The following PEPD variants were observed in gnomAD, a reference collection of about 807,000 sequenced individuals.
The protein encoded by PEPD is peptidase D.
Under a neutral mutation model 60.7 loss-of-function variants are expected in PEPD, and 53 were observed. The ratio of observed to expected loss-of-function variants is 0.87; its 90% CI spans 0.70 to 1.10. PEPD has a LOEUF of 1.10. PEPD is among the 50% of genes least tolerant of loss of function. The pLI is 0.00. For missense variants in PEPD, 711 were observed against 711.9 expected (o/e 1.00, Z 0.01); for synonymous variants, 267 against 284.1 (o/e 0.94, Z 0.60).
chr19:33,498,675 CA>C (rs1970653529), intron 4 of PEPD, among the ~76,000 whole-genome samples: 1 of 151,176 alleles, frequency 6.6e-6, no homozygotes, highest in Admixed American at 6.6e-5. Flanking sequence ...CCCATTCCAC[CA>C]GGATCCTTGA....
chr19:33,466,159 T>C (rs1282242440), intron 7 of PEPD, among the ~76,000 whole-genome samples: 1 of 152,128 alleles, frequency 6.6e-6, no homozygotes, highest in Non-Finnish European at 1.5e-5. Context: ...GCAGATAAAA[T>C]CAATAGGAAG....
intron 2 of PEPD, among the ~76,000 whole-genome samples, chr19:33,512,057 A>G (rs531858515): frequency 4.1e-4 from 62 of 152,230 alleles, no homozygotes; most frequent in East Asian, 7.8e-4. Context: ...AGGATGCTGC[A>G]TGGACACATT....
Position 33,501,044 on chromosome 19 carries a change from A to G in PEPD, c.330-43T>C, listed in dbSNP as rs993401121. On this transcript the variant is annotated intron_variant, in intron 3 of 14. Coordinates refer to ENST00000244137, the MANE Select transcript of PEPD (RefSeq NM_000285.4). The stretch of plus-strand genomic sequence containing the variant: ...GGAATATCAGGGTCAGGGCTTGGTA[A>G]TGGCTCAGCATGGCCACCTTCCTGC... The G allele has an allele frequency of 1.5e-5, 17 of 1,118,680 alleles. No homozygotes were observed. In the African/African-American group the frequency reaches 2.4e-4, roughly 16 times the overall value. 69.3% of individuals were successfully genotyped at this position (1,118,680 alleles called of 1,614,324 possible).
At chr19:33,432,927 G>A (rs369585126) in intron 9 of PEPD, among the ~76,000 whole-genome samples, 1 of 152,226 alleles carries the variant, frequency 6.6e-6, no homozygotes, top group Non-Finnish European at 1.5e-5. Context: ...GAGGCACCTC[G>A]GCCTCCTCGG....
intron 9 of PEPD, among the ~76,000 whole-genome samples, chr19:33,427,586 G>A (rs1346987129): frequency 6.6e-6 from 1 of 152,116 alleles, no homozygotes; most frequent in Non-Finnish European, 1.5e-5. Flanking sequence ...TCAACTTTGG[G>A]GTAGCTTAAA....
chr19:33,501,993 C>G (rs1316668550), intron 3 of PEPD, among the ~76,000 whole-genome samples: 1 of 152,176 alleles, frequency 6.6e-6, no homozygotes, highest in Non-Finnish European at 1.5e-5. Flanking sequence ...GTTGGGCAGC[C>G]CTCGTCCACC....
chr19:33,490,702 C>T (rs1970482275), intron 5 of PEPD, among the ~76,000 whole-genome samples: 1 of 152,110 alleles, frequency 6.6e-6, no homozygotes, highest in African/African-American at 2.4e-5. Context: ...CTTGCTCTGT[C>T]ACCCAGGCTG....
chr19:33,395,387 G>A, intron 12 of PEPD, among the ~76,000 whole-genome samples: 1 of 152,250 alleles, frequency 6.6e-6, no homozygotes, highest in East Asian at 1.9e-4. Flanking sequence ...TTCTCTCATG[G>A]CTCTCCTGCA....
In PEPD at chr19:33,462,592, T is replaced by A. The variant is rs76468459; in HGVS notation, c.671+403A>T. On this transcript the variant is annotated intron_variant, in intron 9 of 14. Transcript: ENST00000244137. ...GCTCTCCAGAGCTCTTTATGGGCCA[T>A]TTAACCATCCCTCAACCCAGTCGCC... 4.9e-3 allele frequency among the ~76,000 whole-genome samples: 744 copies of A among 152,316 alleles called. 29 individuals are homozygous for A. The East Asian group carries it at 0.11, about 22-fold the overall frequency.
chr19:33,448,105 A>T (rs1459820868), intron 9 of PEPD, among the ~76,000 whole-genome samples: 1 of 152,218 alleles, frequency 6.6e-6, no homozygotes, highest in African/African-American at 2.4e-5. Flanking sequence ...CAGAGCTAGG[A>T]GGAGAAAAAC....
intron 9 of PEPD, among the ~76,000 whole-genome samples, chr19:33,429,237 G>C (rs1204892086): frequency 6.6e-6 from 1 of 152,176 alleles, no homozygotes; most frequent in Non-Finnish European, 1.5e-5. Context: ...GCATGAGCAA[G>C]AAATGAGCCT....
At chr19:33,403,668 G>A (rs1051983184) in intron 11 of PEPD, among the ~76,000 whole-genome samples, 3 of 152,232 alleles carry the variant, frequency 2.0e-5, no homozygotes, top group Non-Finnish European at 2.9e-5. Context: ...GCCCCATGGA[G>A]GCAGATTTCT....
intron 7 of PEPD, among the ~76,000 whole-genome samples, chr19:33,477,623 T>C (rs3826901): frequency 0.41 from 61,992 of 152,102 alleles, 13,198 homozygotes; most frequent in African/African-American, 0.53. Context: ...AGTATCACCA[T>C]GGGAAGGAAG....
chr19:33,490,624 T>C (rs1970481115), intron 5 of PEPD, among the ~76,000 whole-genome samples: 1 of 152,034 alleles, frequency 6.6e-6, no homozygotes. Context: ...TGGAGAAAAA[T>C]GGGCCCTCTC....
intron 4 of PEPD, among the ~76,000 whole-genome samples, chr19:33,495,470 C>A (rs1277731345): frequency 2.0e-5 from 3 of 151,374 alleles, no homozygotes; most frequent in South Asian, 4.2e-4. Context: ...TGCACTCCAG[C>A]CTGTTGGGTG....
At chr19:33,500,799 C>T (rs1388222726) in intron 4 of PEPD, 139 bp downstream of exon 4, 4 of 753,118 alleles carry the variant, frequency 5.3e-6, no homozygotes, top group Non-Finnish European at 9.8e-6. Flanking sequence ...AATGGGAGCA[C>T]CTGCGGCGCA....
Position 33,409,456 on chromosome 19 carries a change from G to A in PEPD, c.818+2216C>T, listed in dbSNP as rs571595388. ...AGGCCGAGGCAAGAGGATCACTTAA[G>A]TCCAGGAATTCCAGACCAGCCTGGG... On this transcript the variant is annotated intron_variant, in intron 11 of 14. Coordinates refer to ENST00000244137, the MANE Select transcript of PEPD (RefSeq NM_000285.4). Among the ~76,000 whole-genome samples the A allele has an allele frequency of 3.0e-4, 45 of 152,360 alleles. 1 individual carries two copies. Among genetic ancestry groups the A allele is most frequent in the Non-Finnish European group, 5.3e-4 (36 of 68,036 alleles).
At chr19:33,450,324 C>T (rs968400953) in intron 9 of PEPD, among the ~76,000 whole-genome samples, 18 of 152,218 alleles carry the variant, frequency 1.2e-4, no homozygotes, top group African/African-American at 3.9e-4. Context: ...GCAGCCCCTG[C>T]CCAGAAAGGC....
chr19:33,494,206 C>A (rs1362194828), intron 4 of PEPD, among the ~76,000 whole-genome samples: 3 of 152,178 alleles, frequency 2.0e-5, no homozygotes, highest in East Asian at 3.9e-4. Flanking sequence ...TTCTGAGCAC[C>A]CCCTGGGCAG....
Sources: allele counts gnomAD v4.1 joint callset (sites outside exome capture counted in the v4.1 genomes callset), GRCh38; gene constraint gnomAD v4.1.1; transcripts MANE v1.5; gene names NCBI Gene and HGNC (gene_info 2026-07-23, HGNC 2026-07-21).